RAD18: variants seen among roughly 807,000 people sequenced by gnomAD.
The protein encoded by RAD18 is RAD18 E3 ubiquitin protein ligase.
Under a neutral mutation model 60.4 loss-of-function variants are expected in RAD18, and 47 were observed. That is an observed-to-expected ratio of 0.78 (90% CI 0.62 to 0.99). The LOEUF (loss-of-function observed/expected upper bound fraction) is 0.99. Ranked by LOEUF, RAD18 falls within the 50% of genes least tolerant of loss-of-function variation. The pLI, the probability that RAD18 is intolerant of heterozygous loss-of-function variation, is 0.00. For synonymous variants in RAD18, 225 were observed against 195.5 expected, an observed-to-expected ratio of 1.15 and a Z score of -1.26; for missense variants, 640 against 593.3, an observed-to-expected ratio of 1.08 and a Z score of -0.82.
At chr3:8,925,396 C>A (rs190387510) in intron 7 of RAD18, among the ~76,000 whole-genome samples, 1 of 152,036 alleles carries the variant, frequency 6.6e-6, no homozygotes, top group Admixed American at 6.5e-5. Context: ...CAATAACAGG[C>A]TCTGAAATTG....
chr3:8,954,043 A>G (rs1042533851), intron 2 of RAD18, among the ~76,000 whole-genome samples: 1 of 152,252 alleles, frequency 6.6e-6, no homozygotes, highest in Non-Finnish European at 1.5e-5. Flanking sequence ...AACAAGGCAG[A>G]GGAGAAGAGA....
In RAD18 at chr3:8,890,501, G is replaced by A. The variant is rs199693589; in HGVS notation, c.1323-50C>T. 3.6e-4 allele frequency: 486 copies of A among 1,366,168 alleles called. 3 individuals are homozygous for A. The East Asian group carries it at 9.3e-3, about 26-fold the overall frequency. 84.6% of individuals were successfully genotyped at this position (1,366,168 alleles called of 1,614,324 possible). ...TGACAGACAACAAGAAGACTGTATC[G>A]TCCCATTTATATAAAATTCTAGAAA... On this transcript the variant is annotated intron_variant, in intron 11 of 12. Coordinates refer to ENST00000264926, the MANE Select transcript of RAD18 (RefSeq NM_020165.4).
intron 7 of RAD18, among the ~76,000 whole-genome samples, chr3:8,926,267 AACAG>A (rs984254374): frequency 7.2e-5 from 11 of 151,874 alleles, no homozygotes; most frequent in East Asian, 3.9e-4. Context: ...ATACACCAAT[AACAG>A]ACAGAGAGCC....
At chr3:8,926,500 T>G (rs1940438102) in intron 7 of RAD18, among the ~76,000 whole-genome samples, 1 of 152,210 alleles carries the variant, frequency 6.6e-6, no homozygotes. Context: ...AATTTATAGA[T>G]TCTATGCCAT....
At chr3:8,959,240 T>C (rs535402209) in intron 1 of RAD18, among the ~76,000 whole-genome samples, 153 of 152,370 alleles carry the variant, frequency 1.0e-3, no homozygotes, top group Admixed American at 2.5e-3. Context: ...CTAAAGATGA[T>C]GGCACACCGA....
intron 9 of RAD18, among the ~76,000 whole-genome samples, chr3:8,909,305 T>C (rs558558197): frequency 6.6e-6 from 1 of 152,324 alleles, no homozygotes; most frequent in Admixed American, 6.5e-5. Flanking sequence ...TGAAGAGTTC[T>C]TTACAATGGC....
At position 8,963,309 on chromosome 3, in the gene RAD18, G is replaced by A. The variant is rs371029234; in HGVS notation, c.51+26C>T. ...GACCTCCCCCCGCAGACACCCGGGA[G>A]CTCCCAAACTCCCCGAAGCACTCAC... is the stretch of plus-strand genomic sequence containing the variant. On this transcript the variant is annotated intron_variant, in intron 1 of 12. Coordinates refer to ENST00000264926, the MANE Select transcript of RAD18 (RefSeq NM_020165.4). The A allele has an allele frequency of 3.6e-5, 58 of 1,595,568 alleles. No individual in the cohort carries two copies. In the African/African-American group the frequency reaches 5.8e-4, roughly 16 times the overall value.
Position 8,877,512 on chromosome 3 carries a change from A to G in RAD18, c.*3845T>C, listed in dbSNP as rs1939381648. On this transcript the variant is annotated 3_prime_UTR_variant, in exon 13 of 13. Transcript: ENST00000264926. Reference sequence around the variant, plus strand: ...CATGAATTTTGGGGAAGACAGGGATAAGGAAAGAACATGGTGATTAATGCT... The same window carrying G: ...CATGAATTTTGGGGAAGACAGGGATGAGGAAAGAACATGGTGATTAATGCT... 6.6e-6 allele frequency: 1 copy of G among 152,226 alleles called. No homozygotes were observed. Among genetic ancestry groups the G allele is most frequent in the Non-Finnish European group, 1.5e-5 (1 of 68,050 alleles). 9.4% of individuals were successfully genotyped at this position (152,226 alleles called of 1,614,324 possible).
At chr3:8,955,890 A>G (rs1165392840) in intron 2 of RAD18, among the ~76,000 whole-genome samples, 1 of 152,206 alleles carries the variant, frequency 6.6e-6, no homozygotes, top group Non-Finnish European at 1.5e-5. Flanking sequence ...ACATTCCATA[A>G]AGCGCAGTGG....
intron 12 of RAD18, among the ~76,000 whole-genome samples, chr3:8,882,009 C>G (rs1301032442): frequency 2.0e-5 from 3 of 152,122 alleles, no homozygotes; most frequent in Non-Finnish European, 2.9e-5. Flanking sequence ...AGGCCCCTGA[C>G]ACAAGGAGAG....
chr3:8,903,380 T>C (rs1193368835), intron 9 of RAD18, among the ~76,000 whole-genome samples: 2 of 149,408 alleles, frequency 1.3e-5, no homozygotes, highest in East Asian at 2.0e-4. Context: ...TAGAAGCTTC[T>C]AGGAAAGTTG....
chr3:8,961,328 G>C (rs183833124), intron 1 of RAD18, among the ~76,000 whole-genome samples: 1 of 152,220 alleles, frequency 6.6e-6, no homozygotes, highest in African/African-American at 2.4e-5. Context: ...GAGAGAGAAA[G>C]TGAAAGGGAG....
intron 8 of RAD18, among the ~76,000 whole-genome samples, chr3:8,913,286 C>A (rs958801086): frequency 6.6e-6 from 1 of 152,092 alleles, no homozygotes; most frequent in African/African-American, 2.4e-5. Flanking sequence ...TTGCAGAATG[C>A]CAGAGCTAAA....
chr3:8,912,446 A>C, intron 8 of RAD18, 74 bp from the exon 9 acceptor site: 1 of 1,037,862 alleles, frequency 9.6e-7, no homozygotes, highest in Non-Finnish European at 1.4e-6. Context: ...CAAACCTTCA[A>C]ATCTCAAATG....
intron 1 of RAD18, among the ~76,000 whole-genome samples, chr3:8,959,787 C>G (rs1426135428): frequency 6.6e-6 from 1 of 150,744 alleles, no homozygotes; most frequent in African/African-American, 2.4e-5. Flanking sequence ...AAGCTCTCGA[C>G]GGGAGGATCG....
At position 8,879,623 on chromosome 3, in the gene RAD18, G is replaced by A. The variant is rs1203721984; in HGVS notation, c.*1734C>T. The A allele has an allele frequency of 6.6e-6, 1 of 152,230 alleles. No individual in the cohort carries two copies. The highest frequency in any genetic ancestry group is 1.5e-5 in the Non-Finnish European group (1 of 68,044). 9.4% of individuals were successfully genotyped at this position (152,230 alleles called of 1,614,324 possible). A position where few individuals can be genotyped will look rare whatever the true frequency, so the allele number is the denominator to read the frequency against. ...CCCTGGCCTCCACCCATTGATACTG[G>A]TAGTACCCCTCACCACCCTCCACCT... is the stretch of plus-strand genomic sequence containing the variant. On this transcript the variant is annotated 3_prime_UTR_variant, in exon 13 of 13. Coordinates refer to ENST00000264926, the MANE Select transcript of RAD18 (RefSeq NM_020165.4).
At chr3:8,888,601 ACAG>A (rs1156977581) in intron 12 of RAD18, among the ~76,000 whole-genome samples, 6 of 152,190 alleles carry the variant, frequency 3.9e-5, no homozygotes. Flanking sequence ...AAACTACATC[ACAG>A]CAGAAGTTCT....
Position 8,880,494 on chromosome 3 carries a change from T to A in RAD18, c.*863A>T, listed in dbSNP as rs1301452737. ...TACACAGATAGCAATTTCTGACCAA[T>A]CCATTTCAATGATTTCTAACCCATA... On this transcript the variant is annotated 3_prime_UTR_variant, in exon 13 of 13. Coordinates refer to ENST00000264926, the MANE Select transcript of RAD18 (RefSeq NM_020165.4). The A allele has an allele frequency of 6.6e-6, 1 of 152,142 alleles. No individual in the cohort carries two copies. The highest frequency in any genetic ancestry group is 1.5e-5 in the Non-Finnish European group (1 of 68,018). 9.4% of individuals were successfully genotyped at this position (152,142 alleles called of 1,614,324 possible).
chr3:8,920,278 C>CAAAA (rs60504682), intron 7 of RAD18, among the ~76,000 whole-genome samples: 9 of 70,040 alleles, frequency 1.3e-4, no homozygotes, highest in African/African-American at 3.1e-4. Flanking sequence ...GACTCCGTCT[C>CAAAA]AAAAAAAAAA....
Sources: allele counts gnomAD v4.1 joint callset (sites outside exome capture counted in the v4.1 genomes callset), GRCh38; gene constraint gnomAD v4.1.1; transcripts MANE v1.5; gene names NCBI Gene and HGNC (gene_info 2026-07-23, HGNC 2026-07-21).